HERC1: variants seen among roughly 807,000 people sequenced by gnomAD.
The protein encoded by HERC1 is HECT and RLD domain containing E3 ubiquitin protein ligase family member 1.
Under a neutral mutation model 554.3 loss-of-function variants are expected in HERC1, and 160 were observed. The observed-to-expected ratio is 0.29, with a 90% CI of 0.25 to 0.33. The LOEUF (loss-of-function observed/expected upper bound fraction) is 0.33. Ranked by LOEUF, HERC1 falls within the 10% of genes least tolerant of loss-of-function variation. The probability of loss-of-function intolerance (pLI) is 1.00; values close to 1 mark genes in which losing one functional copy is unlikely to be tolerated. For synonymous variants in HERC1, 2,175 were observed against 2,131.7 expected (o/e 1.02, Z -0.56); for missense variants, 4,919 against 5,918.5 (o/e 0.83, Z 5.54).
chr15:63,682,666 A>G (rs1324363177), intron 34 of HERC1, among the ~76,000 whole-genome samples: 4 of 152,196 alleles, frequency 2.6e-5, no homozygotes, highest in Non-Finnish European at 5.9e-5. Flanking sequence ...CTATTTTCTT[A>G]AGCTGAGCTT....
intron 36 of HERC1, 132 bp from the exon 37 acceptor site, chr15:63,678,497 G>A: frequency 9.5e-7 from 1 of 1,050,052 alleles, no homozygotes; most frequent in Non-Finnish European, 1.3e-6. Flanking sequence ...TATACCAACT[G>A]GCCCCCAAAG....
intron 74 of HERC1, among the ~76,000 whole-genome samples, chr15:63,618,064 A>G (rs2152737884): frequency 6.6e-6 from 1 of 152,116 alleles, no homozygotes; most frequent in East Asian, 1.9e-4. Context: ...GGTGTTTTAG[A>G]CATGAAGTCC....
intron 47 of HERC1, 109 bp from the exon 48 acceptor site, chr15:63,658,827 T>C (rs1396973128): frequency 1.2e-6 from 1 of 818,242 alleles, no homozygotes; most frequent in African/African-American, 1.7e-5. Flanking sequence ...CCAATGTCTT[T>C]TGCTCATCTG....
At chr15:63,757,600 A>C (rs571336869) in intron 4 of HERC1, among the ~76,000 whole-genome samples, 1 of 152,168 alleles carries the variant, frequency 6.6e-6, no homozygotes, top group East Asian at 1.9e-4. Flanking sequence ...TGTGGTGAAC[A>C]TAACGGTAAA....
chr15:63,641,671 A>G, intron 59 of HERC1, 28 bp from the exon 60 acceptor site: 1 of 1,494,342 alleles, frequency 6.7e-7, no homozygotes. Context: ...ATGCCACATA[A>G]TAAATTTGTT....
At position 63,833,793 on chromosome 15, in the gene HERC1, G is replaced by GCACA. The variant is rs1567176634; in HGVS notation, c.-27+33_-27+34insTGTG. ...CACACACACACACACACACACACAGGACCAGGAGGACGGTAGATGATGCGT... is the reference window on the plus strand; with the variant it reads ...CACACACACACACACACACACACAGGCACAACCAGGAGGACGGTAGATGATGCGT... On this transcript the variant is annotated intron_variant, in intron 1 of 77. Coordinates refer to ENST00000443617, the MANE Select transcript of HERC1 (RefSeq NM_003922.4). The GCACA allele has an allele frequency of 1.3e-3, 193 of 146,346 alleles. 2 individuals carry two copies. The highest frequency in any genetic ancestry group is 4.7e-3 in the African/African-American group (182 of 38,814). The allele number at this position is 146,346 out of a possible 1,614,324, so 9.1% of individuals were successfully genotyped here.
At chr15:63,783,883 T>C (rs1053691278) in intron 1 of HERC1, among the ~76,000 whole-genome samples, 2 of 151,934 alleles carry the variant, frequency 1.3e-5, no homozygotes, top group Non-Finnish European at 2.9e-5. Flanking sequence ...CTGGCCAACA[T>C]GGTGAAACCC....
intron 12 of HERC1, among the ~76,000 whole-genome samples, chr15:63,743,351 T>C (rs2074906846): frequency 7.2e-6 from 1 of 139,140 alleles, no homozygotes; most frequent in South Asian, 2.5e-4. Context: ...AACCTCCACC[T>C]CCCAGGTTCA....
At chr15:63,634,936 G>GA in intron 65 of HERC1, 48 bp from the exon 66 acceptor site, 1 of 1,439,158 alleles carries the variant, frequency 6.9e-7, no homozygotes, top group Non-Finnish European at 9.5e-7. Context: ...GGGAAACTAA[G>GA]AAAAAAGTAA....
intron 2 of HERC1, among the ~76,000 whole-genome samples, chr15:63,767,554 C>A (rs1046873737): frequency 6.6e-6 from 1 of 151,996 alleles, no homozygotes; most frequent in Non-Finnish European, 1.5e-5. Flanking sequence ...AAATTTTAGC[C>A]GGGCGTGGTG....
chr15:63,690,739 A>C, intron 31 of HERC1, 92 bp from the exon 32 acceptor site: 1 of 751,906 alleles, frequency 1.3e-6, no homozygotes, highest in Non-Finnish European at 2.3e-6. Context: ...AGGCTGCTAA[A>C]CATTTATGGG....
At chr15:63,732,667 T>C (rs2074346769) in intron 14 of HERC1, among the ~76,000 whole-genome samples, 1 of 152,258 alleles carries the variant, frequency 6.6e-6, no homozygotes, top group Non-Finnish European at 1.5e-5. Context: ...TCTCTAAAAA[T>C]GTTCCTATTT....
At chr15:63,693,568 T>G (rs2072244983) in intron 30 of HERC1, among the ~76,000 whole-genome samples, 2 of 152,044 alleles carry the variant, frequency 1.3e-5, no homozygotes, top group Non-Finnish European at 2.9e-5. Context: ...GGTCAGGACT[T>G]AGGTTAGAGA....
chr15:63,819,310 A>G (rs972129663), intron 1 of HERC1, among the ~76,000 whole-genome samples: 9 of 152,238 alleles, frequency 5.9e-5, no homozygotes, highest in Admixed American at 5.9e-4. Context: ...AAATTTGTCA[A>G]ATGGAAGAAT....
chr15:63,713,365 C>A lies in HERC1; in HGVS notation c.4451G>T (p.Gly1484Val). The change falls in exon 23 of 78, where the codon GGA becomes GTA. Residue 1484 changes from glycine (G) to valine (V), a missense_variant. Around this residue, in one of 11 missense-constraint regions of HERC1, gnomAD observed 1,121 missense variants for 1,244.0 expected, o/e 0.90. Transcript: ENST00000443617. The stretch of plus-strand genomic sequence containing the variant: ...TAGTCAGTCCCACCTGGTCATAAGT[C>A]CACCCCCTTCAGAGGCACTTGTTGA... ...QPSTSASEGG[G>V]LMTRSESLTA... 1.2e-6 allele frequency: 2 copies of A among 1,613,640 alleles called. No homozygotes were observed. Among genetic ancestry groups the A allele is most frequent in the Non-Finnish European group, 1.7e-6 (2 of 1,179,666 alleles).
Position 63,825,959 on chromosome 15 carries a change from C to T in HERC1, c.-27+7868G>A, listed in dbSNP as rs556687951. On this transcript the variant is annotated intron_variant, in intron 1 of 77. Coordinates refer to ENST00000443617, the MANE Select transcript of HERC1 (RefSeq NM_003922.4). ...TGTTTTTTTAGTAGAGACGGGGTTT[C>T]ACCATGTTGGCCAGGCTGGTCTCAA... Among the ~76,000 whole-genome samples the T allele has an allele frequency of 1.8e-4, 28 of 152,012 alleles. No homozygotes were observed. The East Asian group carries it at 5.2e-3, about 28-fold the overall frequency.
intron 1 of HERC1, among the ~76,000 whole-genome samples, chr15:63,781,878 T>TG (rs2076299471): frequency 6.6e-6 from 1 of 152,178 alleles, no homozygotes; most frequent in Non-Finnish European, 1.5e-5. Flanking sequence ...TTTCCTGATA[T>TG]GGGGAAAGTC....
intron 1 of HERC1, among the ~76,000 whole-genome samples, chr15:63,808,987 T>C (rs1395507617): frequency 2.6e-5 from 4 of 152,218 alleles, no homozygotes; most frequent in Admixed American, 6.5e-5. Context: ...CTCATTCTTA[T>C]GGCCTCCCTA....
chr15:63,655,474 A>C (rs894402751), intron 50 of HERC1, among the ~76,000 whole-genome samples: 1 of 152,200 alleles, frequency 6.6e-6, no homozygotes, highest in African/African-American at 2.4e-5. Context: ...GAGAAAAATA[A>C]CACTGCCTTC....
Sources: allele counts gnomAD v4.1 joint callset (sites outside exome capture counted in the v4.1 genomes callset), GRCh38; gene constraint gnomAD v4.1.1; regional missense constraint gnomAD v4.1.1; transcripts MANE v1.5; gene names NCBI Gene and HGNC (gene_info 2026-07-23, HGNC 2026-07-21).